The following CD82 variants were observed in gnomAD, a reference collection of about 807,000 sequenced individuals.
CD82 encodes CD82 molecule, also known as CD82 antigen.
In CD82, 36 loss-of-function variants were observed where a neutral mutation model predicts 37.4. That is an observed-to-expected ratio of 0.96 (90% CI 0.74 to 1.27). The LOEUF is 1.27. Ranked by LOEUF, CD82 falls within the 50% of genes most tolerant of loss-of-function variation. CD82 has a pLI of 0.00. For missense variants in CD82, 340 were observed against 347.0 expected (o/e 0.98, Z 0.16); for synonymous variants, 158 against 137.4 (o/e 1.15, Z -1.05).
intron 1 of CD82, among the ~76,000 whole-genome samples, chr11:44,572,677 G>A (rs986751594): frequency 5.9e-5 from 9 of 152,224 alleles, no homozygotes; most frequent in African/African-American, 1.9e-4. Flanking sequence ...GGCACACCCT[G>A]AGCGTTGGGT....
intron 1 of CD82, among the ~76,000 whole-genome samples, chr11:44,580,453 C>T (rs763577062): frequency 2.6e-5 from 4 of 152,174 alleles, no homozygotes; most frequent in Non-Finnish European, 4.4e-5. Flanking sequence ...ACAGGCCAGG[C>T]GCGGTGGCTC....
chr11:44,612,727 G>A (rs1853503228), intron 6 of CD82, among the ~76,000 whole-genome samples: 1 of 144,990 alleles, frequency 6.9e-6, no homozygotes, highest in African/African-American at 2.6e-5. Context: ...CCACCTCTCG[G>A]GTTCAAGCGA....
intron 1 of CD82, among the ~76,000 whole-genome samples, chr11:44,567,410 G>T (rs1355994630): frequency 6.6e-6 from 1 of 150,884 alleles, no homozygotes; most frequent in Non-Finnish European, 1.5e-5. Context: ...AGGGGGAGGT[G>T]TTCAGAAGAG....
chr11:44,577,743 G>A (rs1370709569), intron 1 of CD82, among the ~76,000 whole-genome samples: 2 of 152,184 alleles, frequency 1.3e-5, no homozygotes, highest in South Asian at 2.1e-4. Flanking sequence ...TGGTGCCTGG[G>A]GGTTCATGGT....
intron 7 of CD82, 44 bp downstream of exon 7, chr11:44,615,417 C>A: frequency 8.1e-7 from 1 of 1,233,658 alleles, no homozygotes; most frequent in Non-Finnish European, 1.2e-6. Flanking sequence ...GCCTGGGTGT[C>A]CCTGCATTTG....
intron 6 of CD82, among the ~76,000 whole-genome samples, chr11:44,611,126 C>T (rs901501104): frequency 5.9e-5 from 9 of 152,206 alleles, no homozygotes; most frequent in South Asian, 2.1e-4. Context: ...TGAGCCACCA[C>T]GCCCAGCTGA....
At chr11:44,579,494 G>A (rs1278485351) in intron 1 of CD82, among the ~76,000 whole-genome samples, 1 of 152,108 alleles carries the variant, frequency 6.6e-6, no homozygotes, top group Non-Finnish European at 1.5e-5. Flanking sequence ...TGCTCCAGGG[G>A]ACCAGAGGCT....
intron 3 of CD82, chr11:44,596,889 T>A (rs1197892682): frequency 2.2e-6 from 1 of 456,026 alleles, no homozygotes; most frequent in Non-Finnish European, 4.4e-6. Flanking sequence ...CTCAAATGCA[T>A]GAAAAATTGC....
intron 2 of CD82, among the ~76,000 whole-genome samples, chr11:44,592,407 G>A (rs1853158576): frequency 6.6e-6 from 1 of 152,248 alleles, no homozygotes; most frequent in African/African-American, 2.4e-5. Flanking sequence ...CGCTGAACCT[G>A]GTTGGTCTCT....
At chr11:44,586,919 G>A (rs1853063566) in intron 1 of CD82, among the ~76,000 whole-genome samples, 1 of 152,206 alleles carries the variant, frequency 6.6e-6, no homozygotes, top group African/African-American at 2.4e-5. Flanking sequence ...CCCTCCCCTT[G>A]AGGAGCCCAT....
intron 6 of CD82, among the ~76,000 whole-genome samples, chr11:44,611,981 G>A (rs1853488790): frequency 6.6e-6 from 1 of 152,234 alleles, no homozygotes; most frequent in African/African-American, 2.4e-5. Flanking sequence ...GCAACATGTT[G>A]TGAGGAAGCT....
At chr11:44,576,298 T>G (rs1390253180) in intron 1 of CD82, among the ~76,000 whole-genome samples, 1 of 152,210 alleles carries the variant, frequency 6.6e-6, no homozygotes, top group African/African-American at 2.4e-5. Context: ...CTGGACACTT[T>G]GCAGCCATAA....
At position 44,585,315 on chromosome 11, in the gene CD82, T is replaced by TTA; in HGVS notation, c.-102-2159_-102-2158dup. On this transcript the variant is annotated intron_variant, in intron 1 of 9. Coordinates refer to ENST00000227155, the MANE Select transcript of CD82 (RefSeq NM_002231.4). ...ATAGTTGGTAACATTTATCTGACAT[T>TTA]TACTGGGTGCCAGGAACTTTATAGA... is the stretch of plus-strand genomic sequence containing the variant. 3.3e-5 allele frequency: 15 copies of TTA among 456,320 alleles called. 1 individual carries two copies. The Middle Eastern group carries it at 4.9e-3, about 148-fold the overall frequency. 28.3% of individuals were successfully genotyped at this position (456,320 alleles called of 1,614,324 possible). A position where few individuals can be genotyped will look rare whatever the true frequency, so the allele number is the denominator to read the frequency against.
chr11:44,605,605 A>C (rs1005868252), intron 6 of CD82, among the ~76,000 whole-genome samples, 176 bp downstream of exon 6: 2 of 152,116 alleles, frequency 1.3e-5, no homozygotes, highest in Admixed American at 1.3e-4. Context: ...TTAGAAGAGA[A>C]GGCGGCAGGT....
chr11:44,572,604 C>T (rs1034389961), intron 1 of CD82, among the ~76,000 whole-genome samples: 2 of 143,436 alleles, frequency 1.4e-5, no homozygotes, highest in Non-Finnish European at 3.0e-5. Flanking sequence ...TGTCCGCAGC[C>T]GCCCAGGCTG....
chr11:44,579,513 C>G (rs1039165884), intron 1 of CD82, among the ~76,000 whole-genome samples: 1 of 152,098 alleles, frequency 6.6e-6, no homozygotes, highest in African/African-American at 2.4e-5. Flanking sequence ...CTCCCTTCAC[C>G]CTTGAGTCTA....
At chr11:44,614,373 G>A (rs1853530601) in intron 6 of CD82, among the ~76,000 whole-genome samples, 1 of 152,226 alleles carries the variant, frequency 6.6e-6, no homozygotes, top group Non-Finnish European at 1.5e-5. Context: ...TGTGGGAGGT[G>A]TAAGGATTCA....
intron 6 of CD82, chr11:44,606,307 C>T (rs1379351785): frequency 1.3e-5 from 2 of 152,152 alleles, no homozygotes; most frequent in African/African-American, 2.4e-5. Context: ...GGTGAGACCC[C>T]ATTTCTACAA....
At chr11:44,595,606 C>T (rs1371203962) in intron 3 of CD82, among the ~76,000 whole-genome samples, 3 of 151,896 alleles carry the variant, frequency 2.0e-5, no homozygotes, top group African/African-American at 7.3e-5. Flanking sequence ...AAGAAAATAC[C>T]TCAATGTTAA....
Sources: gnomAD v4.1 joint callset for allele counts (sites outside exome capture counted in the v4.1 genomes callset) on GRCh38, gnomAD v4.1.1 for gene constraint, MANE v1.5 for transcripts, NCBI Gene and HGNC (gene_info 2026-07-23, HGNC 2026-07-21) for gene names.